JMJD1C: variants seen among roughly 807,000 people sequenced by gnomAD.
JMJD1C encodes the protein jumonji domain-containing protein 1C.
A neutral mutation model predicts 245.3 loss-of-function variants in JMJD1C; 31 were observed. The ratio of observed to expected loss-of-function variants is 0.13; its 90% CI spans 0.09 to 0.17. The LOEUF (loss-of-function observed/expected upper bound fraction) is 0.17. Among genes scored for constraint, JMJD1C ranks in the 10% least tolerant of loss-of-function variants. The probability of loss-of-function intolerance (pLI) is 1.00; values close to 1 mark genes in which losing one functional copy is unlikely to be tolerated. For missense variants in JMJD1C, 2,691 were observed against 3,000.2 expected (o/e 0.90, Z 2.41); for synonymous variants, 1,057 against 1,017.4 (o/e 1.04, Z -0.74).
intron 1 of JMJD1C, among the ~76,000 whole-genome samples, chr10:63,474,192 C>T (rs1178042705): frequency 6.6e-6 from 1 of 152,102 alleles, no homozygotes; most frequent in Non-Finnish European, 1.5e-5. Flanking sequence ...TACCATTTGA[C>T]TCAGTAATTC....
At position 63,200,481 on chromosome 10, in the gene JMJD1C, A is replaced by G. The variant is rs544719834; in HGVS notation, c.5271T>C (p.Phe1757=). 49 of 1,609,808 alleles carry G rather than the reference A, an allele frequency of 3.0e-5. No individual in the cohort carries two copies. In the South Asian group the frequency reaches 5.3e-4, roughly 17 times the overall value. The change falls in exon 11 of 26, where the codon TTT becomes TTC. Residue 1757 remains phenylalanine, a synonymous_variant. Transcript: ENST00000399262. ...HSPVFCRFYY[F]RRLSFSKNGV... ...AATCTCATATTTTCACTTACCGTCT[A>G]AAGTAGTAAAATCTACAAAATACTG...
chr10:63,285,943 T>A (rs1483490577), intron 2 of JMJD1C, among the ~76,000 whole-genome samples: 1 of 152,236 alleles, frequency 6.6e-6, no homozygotes, highest in African/African-American at 2.4e-5. Flanking sequence ...GAATCTATAC[T>A]TTTTATCATC....
chr10:63,351,326 G>A (rs1292506269), intron 2 of JMJD1C, among the ~76,000 whole-genome samples: 1 of 152,076 alleles, frequency 6.6e-6, no homozygotes, highest in Non-Finnish European at 1.5e-5. Flanking sequence ...GACCTCAGGT[G>A]ATCCAGCCAC....
intron 1 of JMJD1C, among the ~76,000 whole-genome samples, chr10:63,389,254 G>A (rs1447701865): frequency 6.8e-6 from 1 of 146,460 alleles, no homozygotes; most frequent in African/African-American, 2.5e-5. Flanking sequence ...AGAGGTTACA[G>A]TGAGCTGAGA....
At chr10:63,453,029 C>T (rs1299824431) in intron 1 of JMJD1C, among the ~76,000 whole-genome samples, 2 of 152,178 alleles carry the variant, frequency 1.3e-5, no homozygotes, top group Admixed American at 6.5e-5. Context: ...AATCCCAGCA[C>T]TTTGGGAGGC....
At chr10:63,310,330 G>A (rs1218862299) in intron 2 of JMJD1C, among the ~76,000 whole-genome samples, 1 of 152,190 alleles carries the variant, frequency 6.6e-6, no homozygotes, top group Non-Finnish European at 1.5e-5. Flanking sequence ...AGCTAAGATA[G>A]AACTTCAAGA....
chr10:63,515,887 TA>T (rs1274318180), intron 1 of JMJD1C, among the ~76,000 whole-genome samples: 2 of 152,218 alleles, frequency 1.3e-5, no homozygotes, highest in East Asian at 3.8e-4. Context: ...AATTTTTTCC[TA>T]GTTTGTCATC....
intron 2 of JMJD1C, among the ~76,000 whole-genome samples, chr10:63,301,555 A>G (rs1860076753): frequency 6.6e-6 from 1 of 152,218 alleles, no homozygotes; most frequent in Non-Finnish European, 1.5e-5. Flanking sequence ...AAACTAACAC[A>G]GGAACAGAAA....
chr10:63,198,968 A>G (rs1017426160), intron 11 of JMJD1C, among the ~76,000 whole-genome samples: 7 of 152,184 alleles, frequency 4.6e-5, no homozygotes, highest in African/African-American at 1.7e-4. Flanking sequence ...AAGATCACTT[A>G]TACTTACTTA....
chr10:63,284,373 T>C (rs563577887), intron 2 of JMJD1C, among the ~76,000 whole-genome samples: 2 of 152,286 alleles, frequency 1.3e-5, no homozygotes, highest in Non-Finnish European at 2.9e-5. Flanking sequence ...TAGATTGAGC[T>C]TTGTTATGCT....
intron 16 of JMJD1C, among the ~76,000 whole-genome samples, chr10:63,192,297 T>C (rs1335718493): frequency 2.7e-5 from 4 of 146,412 alleles, no homozygotes; most frequent in Non-Finnish European, 6.0e-5. Context: ...TGGCCAGGCA[T>C]GGTGGTTCAC....
intron 1 of JMJD1C, among the ~76,000 whole-genome samples, chr10:63,491,438 C>T (rs1034786823): frequency 4.6e-5 from 7 of 152,106 alleles, no homozygotes; most frequent in African/African-American, 1.4e-4. Context: ...GGAATCTGCA[C>T]CAGTAACTCT....
chr10:63,171,511 T>C (rs144720814), intron 24 of JMJD1C, among the ~76,000 whole-genome samples: 1 of 152,372 alleles, frequency 6.6e-6, no homozygotes, highest in African/African-American at 2.4e-5. Flanking sequence ...ATGTTGTTTC[T>C]TCCCTAGCAC....
At chr10:63,172,171 G>C (rs904007153) in intron 24 of JMJD1C, among the ~76,000 whole-genome samples, 1 of 152,146 alleles carries the variant, frequency 6.6e-6, no homozygotes, top group Non-Finnish European at 1.5e-5. Context: ...TGTCAGTCTA[G>C]GTCATATATG....
chr10:63,193,136 G>A lies in JMJD1C; in HGVS notation c.5878C>T (p.Leu1960Phe). Residue 1960 changes from leucine (L) to phenylalanine (F), a missense_variant, in exon 16 of 26, where the codon CTT becomes TTT. Physicochemically the swap from Leu to Phe is conservative, Grantham distance 22. Around this residue, in one of 9 missense-constraint regions of JMJD1C, gnomAD observed 275 missense variants for 285.5 expected, o/e 0.96. Transcript: ENST00000399262. ...AGAGAAATTTTATTACTGTGATTAA[G>A]AACATTCTGTAAAACCTACAAAGGT... ...NGVSQVLQNVLNHSNKISLCM... is the reference protein window; with the variant it reads ...NGVSQVLQNVFNHSNKISLCM... 16 of 1,612,256 alleles carry A rather than the reference G, an allele frequency of 9.9e-6. No individual in the cohort carries two copies. Among genetic ancestry groups the A allele is most frequent in the Middle Eastern group, 1.6e-4 (1 of 6,062 alleles).
At chr10:63,272,587 T>C (rs932943128) in intron 2 of JMJD1C, among the ~76,000 whole-genome samples, 3 of 152,198 alleles carry the variant, frequency 2.0e-5, no homozygotes, top group Non-Finnish European at 4.4e-5. Flanking sequence ...TTAATAATGT[T>C]GTCAAGTGGA....
intron 1 of JMJD1C, among the ~76,000 whole-genome samples, chr10:63,394,287 G>A (rs181128499): frequency 5.3e-5 from 8 of 151,044 alleles, no homozygotes; most frequent in Admixed American, 5.3e-4. Flanking sequence ...GATCCAAACA[G>A]AACTGACAAT....
chr10:63,435,144 C>T (rs1950992839), intron 1 of JMJD1C, among the ~76,000 whole-genome samples: 1 of 152,182 alleles, frequency 6.6e-6, no homozygotes, highest in Non-Finnish European at 1.5e-5. Flanking sequence ...TTTTATCATT[C>T]AGCTGAGATT....
intron 3 of JMJD1C, among the ~76,000 whole-genome samples, chr10:63,248,479 C>T (rs1463029710): frequency 1.3e-5 from 2 of 151,098 alleles, no homozygotes. Flanking sequence ...TCAGATTGTG[C>T]CACTGTACTC....
Sources: allele counts gnomAD v4.1 joint callset (sites outside exome capture counted in the v4.1 genomes callset), GRCh38; gene constraint gnomAD v4.1.1; regional missense constraint gnomAD v4.1.1; transcripts MANE v1.5; gene names NCBI Gene and HGNC (gene_info 2026-07-23, HGNC 2026-07-21).